NBAS: variants seen among roughly 807,000 people sequenced by gnomAD.
The protein encoded by NBAS is NAG/BC035112 fusion.
A neutral mutation model predicts 302.5 loss-of-function variants in NBAS; 219 were observed. The observed-to-expected ratio is 0.72, with a 90% CI of 0.65 to 0.81. The LOEUF is 0.81. NBAS is among the 30% of genes least tolerant of loss of function. The pLI is 0.00. For synonymous variants in NBAS, 1,118 were observed against 1,021.6 expected, an observed-to-expected ratio of 1.09 and a Z score of -1.80; for missense variants, 2,932 against 2,841.6, an observed-to-expected ratio of 1.03 and a Z score of -0.72.
intron 49 of NBAS, among the ~76,000 whole-genome samples, chr2:15,189,940 G>A (rs1207820314): frequency 6.6e-6 from 1 of 152,168 alleles, no homozygotes; most frequent in Non-Finnish European, 1.5e-5. Flanking sequence ...GGATTCTCAA[G>A]TTGGCACTGT....
intron 42 of NBAS, among the ~76,000 whole-genome samples, chr2:15,280,455 T>C (rs962947917): frequency 6.6e-6 from 1 of 152,014 alleles, no homozygotes; most frequent in Non-Finnish European, 1.5e-5. Flanking sequence ...AATGTACACA[T>C]AACCTGCCAG....
chr2:15,219,003 C>T (rs1666791926), intron 47 of NBAS, 35 bp from the exon 48 acceptor site: 1 of 1,611,586 alleles, frequency 6.2e-7, no homozygotes, highest in African/African-American at 1.3e-5. Context: ...CTGTAAACTC[C>T]TAAGCCTTTT....
At chr2:14,938,313 A>G in the NBAS span, among the ~76,000 whole-genome samples, 1 of 152,188 alleles carries the variant, frequency 6.6e-6, no homozygotes, top group Non-Finnish European at 1.5e-5. Context: ...ATATACATAC[A>G]CACACATTAT....
At chr2:15,491,508 G>A (rs555752596) in intron 11 of NBAS, among the ~76,000 whole-genome samples, 16 of 152,194 alleles carry the variant, frequency 1.1e-4, no homozygotes, top group African/African-American at 2.9e-4. Context: ...AGGCCGAGGC[G>A]GGCACATCAC....
At chr2:15,165,957 T>C (rs1346716594), downstream of NBAS, among the ~76,000 whole-genome samples, 1 of 152,134 alleles carries the variant, frequency 6.6e-6, no homozygotes, top group African/African-American at 2.4e-5. Flanking sequence ...TTAGTGTAGA[T>C]GGATGCCTCC....
At chr2:14,823,349 A>G in the NBAS span, among the ~76,000 whole-genome samples, 1 of 152,214 alleles carries the variant, frequency 6.6e-6, no homozygotes, top group Non-Finnish European at 1.5e-5. Flanking sequence ...ACTTGACTGA[A>G]GTTTTCATTT....
At chr2:15,412,362 G>A (rs1278964391) in intron 25 of NBAS, among the ~76,000 whole-genome samples, 3 of 152,102 alleles carry the variant, frequency 2.0e-5, no homozygotes, top group Non-Finnish European at 2.9e-5. Flanking sequence ...AGAGAAAAGG[G>A]GACTGTTCTT....
intron 48 of NBAS, among the ~76,000 whole-genome samples, chr2:15,209,378 A>G (rs1214023257): frequency 6.6e-6 from 1 of 152,170 alleles, no homozygotes; most frequent in Non-Finnish European, 1.5e-5. Flanking sequence ...GAAGAATAAT[A>G]CCAATCCTAT....
intron 21 of NBAS, among the ~76,000 whole-genome samples, chr2:15,439,713 C>T (rs941197779): frequency 6.6e-6 from 1 of 152,200 alleles, no homozygotes; most frequent in Non-Finnish European, 1.5e-5. Flanking sequence ...CATTGCCTCA[C>T]TCGGGAAGCG....
the NBAS span, among the ~76,000 whole-genome samples, chr2:15,143,757 G>A: frequency 1.3e-5 from 2 of 151,972 alleles, no homozygotes; most frequent in African/African-American, 4.8e-5. Context: ...TGAGTCAGTG[G>A]GCTGGGAAAA....
chr2:15,527,173 A>G (rs1298380591), intron 9 of NBAS, among the ~76,000 whole-genome samples: 1 of 152,118 alleles, frequency 6.6e-6, no homozygotes, highest in Non-Finnish European at 1.5e-5. Flanking sequence ...GGAAAAGTCA[A>G]AAGAAAGAAA....
intron 9 of NBAS, among the ~76,000 whole-genome samples, chr2:15,515,407 C>T (rs191037666): frequency 2.0e-5 from 3 of 152,218 alleles, no homozygotes; most frequent in Non-Finnish European, 2.9e-5. Context: ...ACAAAAATTA[C>T]TTGGGCGTGG....
chr2:15,198,151 T>A (rs1372486885), intron 48 of NBAS, among the ~76,000 whole-genome samples: 1 of 152,224 alleles, frequency 6.6e-6, no homozygotes, highest in African/African-American at 2.4e-5. Context: ...AACTTGGATA[T>A]TTAAGAAAAG....
the NBAS span, among the ~76,000 whole-genome samples, chr2:14,904,840 G>A: frequency 6.6e-5 from 10 of 152,188 alleles, no homozygotes; most frequent in Non-Finnish European, 1.2e-4. Flanking sequence ...ACAAGGTCAG[G>A]AGATCGAGAC....
intron 38 of NBAS, among the ~76,000 whole-genome samples, chr2:15,317,088 G>C (rs1437276456): frequency 6.6e-6 from 1 of 152,200 alleles, no homozygotes; most frequent in Non-Finnish European, 1.5e-5. Flanking sequence ...GCCTCCATTG[G>C]TGATGAACAG....
chr2:15,491,983 A>G (rs1680876040), intron 11 of NBAS, among the ~76,000 whole-genome samples: 2 of 152,234 alleles, frequency 1.3e-5, no homozygotes, highest in Admixed American at 1.3e-4. Context: ...TGTATTAACT[A>G]GAATGTTCCC....
chr2:15,310,378 A>C (rs1481283723), intron 38 of NBAS, among the ~76,000 whole-genome samples: 1 of 152,182 alleles, frequency 6.6e-6, no homozygotes, highest in East Asian at 1.9e-4. Context: ...TTAGGAACCA[A>C]ATGGACCACC....
chr2:15,338,710 C>CACACACACACACACACACACAT (rs1454097551), intron 35 of NBAS, among the ~76,000 whole-genome samples: 1 of 148,744 alleles, frequency 6.7e-6, no homozygotes. Flanking sequence ...CACACACACA[C>CACACACACACACACACACACAT]ATCAAATTAG....
the NBAS span, among the ~76,000 whole-genome samples, chr2:14,799,125 C>A: frequency 2.6e-5 from 4 of 151,410 alleles, no homozygotes; most frequent in African/African-American, 9.7e-5. Context: ...TTTCTGATTT[C>A]TCAAGGTAGA....
Sources: allele counts gnomAD v4.1 joint callset (sites outside exome capture counted in the v4.1 genomes callset), GRCh38; gene constraint gnomAD v4.1.1; transcripts MANE v1.5; gene names NCBI Gene and HGNC (gene_info 2026-07-23, HGNC 2026-07-21).